The following RB1 variants were observed in gnomAD, a reference collection of about 807,000 sequenced individuals.
RB1 encodes RB transcriptional corepressor 1, also known as retinoblastoma-associated protein.
A neutral mutation model predicts 135.4 loss-of-function variants in RB1; 18 were observed. The ratio of observed to expected loss-of-function variants is 0.13; its 90% CI spans 0.09 to 0.20. The LOEUF (loss-of-function observed/expected upper bound fraction) is 0.20, where lower values mean the gene tolerates loss of function less well. Ranked by LOEUF, RB1 falls within the 10% of genes least tolerant of loss-of-function variation. The pLI is 1.00. For synonymous variants in RB1, 365 were observed against 373.2 expected, an observed-to-expected ratio of 0.98 and a Z score of 0.25; for missense variants, 868 against 1,110.0, an observed-to-expected ratio of 0.78 and a Z score of 3.10.
rs1948533425 is a variant in RB1 at position 48,381,286 on chromosome 13, C to G, written c.1538C>G (p.Ser513Cys). 1 of 1,610,958 alleles carries G rather than the reference C, an allele frequency of 6.2e-7. No homozygotes were observed. Among genetic ancestry groups the G allele is most frequent in the Non-Finnish European group, 8.5e-7 (1 of 1,178,914 alleles). Residue 513 changes from serine (S) to cysteine (C), a missense_variant, in exon 17 of 27, where the codon TCT becomes TGT. Coordinates refer to ENST00000267163, the MANE Select transcript of RB1 (RefSeq NM_000321.3). Reference sequence around the variant, plus strand: ...AATCTTGATTCTGGAACAGATTTGTCTTTCCCATGGATTCTGAATGTGCTT... The same window carrying G: ...AATCTTGATTCTGGAACAGATTTGTGTTTCCCATGGATTCTGAATGTGCTT... ...SQNLDSGTDL[S>C]FPWILNVLNL...
At chr13:48,342,957 C>A (rs893273513) in intron 3 of RB1, among the ~76,000 whole-genome samples, 10 of 152,122 alleles carry the variant, frequency 6.6e-5, no homozygotes, top group Non-Finnish European at 2.9e-5. Flanking sequence ...TCTCACTATT[C>A]ATGTGTAAGC....
At chr13:48,434,623 T>G (rs1469382005) in intron 17 of RB1, among the ~76,000 whole-genome samples, 1 of 152,086 alleles carries the variant, frequency 6.6e-6, no homozygotes, top group African/African-American at 2.4e-5. Context: ...AGAGACACTA[T>G]TCAGGGGTTT....
Position 48,314,265 on chromosome 13 carries a change from T to C in RB1, c.264+6859T>C, listed in dbSNP as rs114543053. Among the ~76,000 whole-genome samples the C allele has an allele frequency of 3.7e-3, 563 of 152,324 alleles. 7 individuals are homozygous for C. The highest frequency in any genetic ancestry group is 0.013 in the African/African-American group (541 of 41,568). On this transcript the variant is annotated intron_variant, in intron 2 of 26. Transcript: ENST00000267163. ...GCAGCTGGGATTTTGATAGGGATTATGTTGGATCTAGATCAATTTGCGGAA... is the reference window on the plus strand; with the variant it reads ...GCAGCTGGGATTTTGATAGGGATTACGTTGGATCTAGATCAATTTGCGGAA...
At chr13:48,328,271 T>A (rs532151479) in intron 2 of RB1, 1 of 1,576,352 alleles carries the variant, frequency 6.3e-7, no homozygotes, top group African/African-American at 1.3e-5. Flanking sequence ...TATCTTCATC[T>A]TCATTAAAAG....
intron 2 of RB1, among the ~76,000 whole-genome samples, chr13:48,329,618 G>T (rs1952316010): frequency 6.6e-6 from 1 of 152,072 alleles, no homozygotes; most frequent in African/African-American, 2.4e-5. Flanking sequence ...AATGGTTAAT[G>T]ATCTCTTTCA....
chr13:48,316,900 G>A (rs925461646), intron 2 of RB1: 1 of 348,922 alleles, frequency 2.9e-6, no homozygotes. Flanking sequence ...TCCGTGCGCG[G>A]AGTGTCGCTG....
intron 17 of RB1, among the ~76,000 whole-genome samples, chr13:48,420,476 C>T (rs1347317432): frequency 1.3e-5 from 2 of 152,150 alleles, no homozygotes; most frequent in African/African-American, 4.8e-5. Context: ...AAAACTGGCA[C>T]AAGACAAGGA....
At chr13:48,418,453 C>T (rs1300554390) in intron 17 of RB1, among the ~76,000 whole-genome samples, 1 of 152,164 alleles carries the variant, frequency 6.6e-6, no homozygotes, top group Non-Finnish European at 1.5e-5. Flanking sequence ...ACCATTGACA[C>T]TATGAAGAAA....
At chr13:48,320,374 G>A in intron 2 of RB1, 1 of 1,219,644 alleles carries the variant, frequency 8.2e-7, no homozygotes. Flanking sequence ...CCCCTCGTCA[G>A]CCTCCGAGAA....
chr13:48,345,892 G>C (rs1276571866), intron 4 of RB1, among the ~76,000 whole-genome samples: 1 of 152,128 alleles, frequency 6.6e-6, no homozygotes, highest in Non-Finnish European at 1.5e-5. Context: ...ATTCTGGAGA[G>C]AATGAGGATG....
At chr13:48,445,939 A>G (rs1426592567) in intron 17 of RB1, among the ~76,000 whole-genome samples, 1 of 152,154 alleles carries the variant, frequency 6.6e-6, no homozygotes, top group African/African-American at 2.4e-5. Context: ...TTTAGAGTAT[A>G]TATAACTAAG....
intron 1 of RB1, among the ~76,000 whole-genome samples, chr13:48,304,395 G>T (rs1234342387): frequency 6.6e-6 from 1 of 152,148 alleles, no homozygotes; most frequent in Non-Finnish European, 1.5e-5. Flanking sequence ...ATACAAAAAT[G>T]GTGTCTGTGG....
intron 17 of RB1, chr13:48,415,647 A>G (rs966333950): frequency 1.3e-5 from 2 of 152,112 alleles, no homozygotes; most frequent in Non-Finnish European, 2.9e-5. Context: ...TATTTGTTGA[A>G]TTAGGCTTTT....
chr13:48,319,073 G>A lies in RB1; in HGVS notation c.264+11667G>A, dbSNP rs572253226. ...TTCAGCGGACGTGTCTGCCTGGCACGAGGACCGTTCTACAAACTCGTTCCT... is the reference window on the plus strand; with the variant it reads ...TTCAGCGGACGTGTCTGCCTGGCACAAGGACCGTTCTACAAACTCGTTCCT... On this transcript the variant is annotated intron_variant, in intron 2 of 26. Coordinates refer to ENST00000267163, the MANE Select transcript of RB1 (RefSeq NM_000321.3). The surrounding 1 kb of genome is among the most constrained non-coding windows in gnomAD (Gnocchi z 5.0). 2 of 617,116 alleles carry A rather than the reference G, an allele frequency of 3.2e-6. No individual in the cohort carries two copies. Among genetic ancestry groups the A allele is most frequent in the East Asian group, 7.3e-5 (2 of 27,406 alleles). The allele number at this position is 617,116 out of a possible 1,614,324, so 38.2% of individuals were successfully genotyped here. A position where few individuals can be genotyped will look rare whatever the true frequency, so the allele number is the denominator to read the frequency against.
chr13:48,381,324 T>G lies in RB1; in HGVS notation c.1576T>G (p.Phe526Val), dbSNP rs1331702695. 6.2e-7 allele frequency: 1 copy of G among 1,612,356 alleles called. No homozygotes were observed. The highest frequency in any genetic ancestry group is 1.7e-5 in the Admixed American group (1 of 59,802). Residue 526 changes from phenylalanine (F) to valine (V), a missense_variant, in exon 17 of 27, where the codon TTT becomes GTT. Around this residue, in one of 3 missense-constraint regions of RB1, gnomAD observed 641 missense variants for 791.3 expected, o/e 0.81. Coordinates refer to ENST00000267163, the MANE Select transcript of RB1 (RefSeq NM_000321.3). ...TCTGAATGTGCTTAATTTAAAAGCC[T>G]TTGATTTTTACAAAGTGATCGAAAG... ...WILNVLNLKA[F>V]DFYKVIESFI...
At position 48,481,040 on chromosome 13, in the gene RB1, A is replaced by AT. The variant is rs529114215; in HGVS notation, c.*978dup. 1.8e-4 allele frequency: 40 copies of AT among 227,624 alleles called. No individual in the cohort carries two copies. The highest frequency in any genetic ancestry group is 1.3e-3 in the Middle Eastern group (1 of 776). 14.1% of individuals were successfully genotyped at this position (227,624 alleles called of 1,614,324 possible). On this transcript the variant is annotated 3_prime_UTR_variant, in exon 27 of 27. Transcript: ENST00000267163. ...CAGACTGTTAATTATAGGAGCCTTA[A>AT]TTTTTTTTTCATAGAGATTTGTCTA... is the stretch of plus-strand genomic sequence containing the variant.
At chr13:48,473,500 A>G in intron 24 of RB1, 110 bp downstream of exon 24, 1 of 869,904 alleles carries the variant, frequency 1.1e-6, no homozygotes, top group Non-Finnish European at 1.9e-6. Flanking sequence ...CACCTCATCC[A>G]GGCATATTGC....
intron 24 of RB1, among the ~76,000 whole-genome samples, chr13:48,475,048 A>G (rs576355094): frequency 1.3e-5 from 2 of 152,078 alleles, no homozygotes; most frequent in African/African-American, 2.4e-5. Flanking sequence ...TAATTTTTAA[A>G]TTTTTTGTAG....
At chr13:48,377,105 TATAA>T in intron 13 of RB1, 71 bp downstream of exon 13, 1 of 1,436,150 alleles carries the variant, frequency 7.0e-7, no homozygotes, top group Non-Finnish European at 9.8e-7. Context: ...TTCCAGTTCG[TATAA>T]ATACTCTAAC....
Sources: gnomAD v4.1 joint callset for allele counts (sites outside exome capture counted in the v4.1 genomes callset) on GRCh38, gnomAD v4.1.1 for gene constraint, gnomAD v4.1.1 regional missense constraint, Gnocchi (gnomAD v3.1) non-coding constraint, MANE v1.5 for transcripts, NCBI Gene and HGNC (gene_info 2026-07-23, HGNC 2026-07-21) for gene names.